Variants in SUGCT observed in about 807,000 individuals in gnomAD.
The protein encoded by SUGCT is succinyl-CoA:glutarate CoA-transferase.
A neutral mutation model predicts 55.0 loss-of-function variants in SUGCT; 41 were observed. The ratio of observed to expected loss-of-function variants is 0.74; its 90% CI spans 0.58 to 0.97. The LOEUF (loss-of-function observed/expected upper bound fraction) is 0.97. Ranked by LOEUF, SUGCT falls within the 50% of genes least tolerant of loss-of-function variation. The pLI is 0.00. For synonymous variants in SUGCT, 187 were observed against 200.4 expected, an observed-to-expected ratio of 0.93 and a Z score of 0.56; for missense variants, 568 against 547.8, an observed-to-expected ratio of 1.04 and a Z score of -0.37.
intron 9 of SUGCT, among the ~76,000 whole-genome samples, chr7:40,446,381 A>T (rs1366211001): frequency 6.6e-6 from 1 of 152,156 alleles, no homozygotes. Context: ...AACCTGTGTA[A>T]CTTCACAGTT....
the SUGCT span, among the ~76,000 whole-genome samples, chr7:41,033,829 G>T: frequency 9.9e-5 from 15 of 151,974 alleles, no homozygotes; most frequent in Middle Eastern, 6.3e-3. Context: ...TGCTGAGCTG[G>T]CCCCGTGTGC....
intron 9 of SUGCT, among the ~76,000 whole-genome samples, chr7:40,342,209 C>A (rs1470146261): frequency 2.0e-5 from 3 of 152,188 alleles, no homozygotes; most frequent in Non-Finnish European, 4.4e-5. Flanking sequence ...CTCTAATTGT[C>A]ATTAGTGACC....
At chr7:40,705,964 C>G (rs766031496) in intron 12 of SUGCT, among the ~76,000 whole-genome samples, 1 of 152,100 alleles carries the variant, frequency 6.6e-6, no homozygotes, top group Non-Finnish European at 1.5e-5. Flanking sequence ...TGTCCATCAT[C>G]TATAAAATGA....
intron 12 of SUGCT, among the ~76,000 whole-genome samples, chr7:40,585,111 T>C (rs1797306750): frequency 6.6e-6 from 1 of 152,176 alleles, no homozygotes; most frequent in African/African-American, 2.4e-5. Flanking sequence ...TGGATTCTAA[T>C]GGTAAGGGAC....
At chr7:40,588,231 T>C (rs538312025) in intron 12 of SUGCT, among the ~76,000 whole-genome samples, 335 of 146,932 alleles carry the variant, frequency 2.3e-3, no homozygotes, top group African/African-American at 5.8e-3. Context: ...AAAATTCTCT[T>C]TTTTTTTTTT....
At chr7:40,377,181 T>C (rs1253887154) in intron 9 of SUGCT, among the ~76,000 whole-genome samples, 5 of 16,878 alleles carry the variant, frequency 3.0e-4, no homozygotes, top group South Asian at 5.1e-3. Flanking sequence ...TTTCTTTCTT[T>C]CTTTCTTTCT....
intron 9 of SUGCT, among the ~76,000 whole-genome samples, chr7:40,400,334 A>C (rs1051630678): frequency 3.9e-5 from 6 of 152,180 alleles, no homozygotes; most frequent in Non-Finnish European, 8.8e-5. Flanking sequence ...CAAGCTGTAC[A>C]AGAAGCATGG....
chr7:40,225,573 T>C (rs1788292024), intron 6 of SUGCT, among the ~76,000 whole-genome samples: 2 of 151,816 alleles, frequency 1.3e-5, no homozygotes, highest in Admixed American at 1.3e-4. Context: ...GTAGCTGGGA[T>C]TACAGGTGCA....
chr7:41,005,339 T>C, the SUGCT span, among the ~76,000 whole-genome samples: 7 of 152,050 alleles, frequency 4.6e-5, no homozygotes, highest in Non-Finnish European at 8.8e-5. Flanking sequence ...AATGTTAATA[T>C]TAGATTGGAA....
rs1465572764 is a variant in SUGCT at position 40,268,217 on chromosome 7, C to CTAA, written c.577-6296_577-6295insTAA. Among the ~76,000 whole-genome samples, 47 of 152,264 alleles carry CTAA rather than the reference C, an allele frequency of 3.1e-4. No individual in the cohort carries two copies. In the East Asian group the frequency reaches 8.1e-3, roughly 26 times the overall value. On this transcript the variant is annotated intron_variant, in intron 7 of 13. Coordinates refer to ENST00000335693, the MANE Select transcript of SUGCT (RefSeq NM_001193313.2). ...ACAGTCAATTTTAGAACATTTTCAT[C>CTAA]ACCCCATAAAGAAACCTCTTACCTA... is the stretch of plus-strand genomic sequence containing the variant.
chr7:40,429,573 C>T (rs148550089), intron 9 of SUGCT, among the ~76,000 whole-genome samples: 35 of 152,250 alleles, frequency 2.3e-4, no homozygotes, highest in African/African-American at 7.5e-4. Context: ...CGATGTTTGA[C>T]GACAGGAAGC....
chr7:40,830,774 C>G (rs977240818), intron 13 of SUGCT, among the ~76,000 whole-genome samples: 1 of 152,218 alleles, frequency 6.6e-6, no homozygotes, highest in Admixed American at 6.5e-5. Flanking sequence ...CAGCAAAAGT[C>G]CTCAGAGGAC....
chr7:40,645,583 C>G (rs73689836), intron 12 of SUGCT, among the ~76,000 whole-genome samples: 2,002 of 152,286 alleles, frequency 0.013, 42 homozygotes, highest in African/African-American at 0.046. Flanking sequence ...TACCTTTCTG[C>G]TAATACTCAT....
the SUGCT span, among the ~76,000 whole-genome samples, chr7:40,986,434 A>G: frequency 1.3e-5 from 2 of 152,234 alleles, no homozygotes; most frequent in Non-Finnish European, 2.9e-5. Context: ...TACTCCACTC[A>G]TCACCATGGT....
At chr7:40,311,801 C>G (rs1795172443) in intron 8 of SUGCT, among the ~76,000 whole-genome samples, 1 of 152,166 alleles carries the variant, frequency 6.6e-6, no homozygotes, top group African/African-American at 2.4e-5. Flanking sequence ...TAGCAACACT[C>G]AGTAGTTGCT....
At chr7:40,322,385 T>C (rs1200821434) in intron 9 of SUGCT, among the ~76,000 whole-genome samples, 1 of 152,194 alleles carries the variant, frequency 6.6e-6, no homozygotes, top group African/African-American at 2.4e-5. Flanking sequence ...TTTGGGTAGC[T>C]ACCACTATAC....
intron 12 of SUGCT, among the ~76,000 whole-genome samples, chr7:40,629,122 C>T (rs1466129620): frequency 1.3e-5 from 2 of 152,154 alleles, no homozygotes; most frequent in East Asian, 3.9e-4. Context: ...GAACCCTGGC[C>T]TTTCCAAAGC....
chr7:40,780,548 C>A (rs989098781), intron 13 of SUGCT, among the ~76,000 whole-genome samples: 2 of 152,068 alleles, frequency 1.3e-5, no homozygotes, highest in African/African-American at 4.8e-5. Flanking sequence ...GCCACATAAC[C>A]CAGTTTGAGC....
chr7:40,938,678 T>C, the SUGCT span, among the ~76,000 whole-genome samples: 3 of 152,170 alleles, frequency 2.0e-5, no homozygotes, highest in African/African-American at 7.2e-5. Context: ...ACTAATACTG[T>C]ATCAGTCCAT....
Sources: gnomAD v4.1 joint callset for allele counts (sites outside exome capture counted in the v4.1 genomes callset) on GRCh38, gnomAD v4.1.1 for gene constraint, MANE v1.5 for transcripts, NCBI Gene and HGNC (gene_info 2026-07-23, HGNC 2026-07-21) for gene names.